PPP2R5D: variants seen among roughly 807,000 people sequenced by gnomAD.
The protein encoded by PPP2R5D is protein phosphatase 2 regulatory subunit B'delta, also known as serine/threonine-protein phosphatase 2A 56 kDa regulatory subunit delta isoform.
In PPP2R5D, 12 loss-of-function variants were observed where a neutral mutation model predicts 79.1. The ratio of observed to expected loss-of-function variants is 0.15; its 90% CI spans 0.10 to 0.25. The LOEUF (loss-of-function observed/expected upper bound fraction) is 0.25. Ranked by LOEUF, PPP2R5D falls within the 10% of genes least tolerant of loss-of-function variation. The pLI is 1.00. For synonymous variants in PPP2R5D, 277 were observed against 286.6 expected (o/e 0.97, Z 0.34); for missense variants, 419 against 760.2 (o/e 0.55, Z 5.28).
chr6:42,990,333 G>A (rs921780870), intron 2 of PPP2R5D, among the ~76,000 whole-genome samples: 4 of 152,146 alleles, frequency 2.6e-5, no homozygotes, highest in African/African-American at 9.7e-5. Flanking sequence ...CATACACAGC[G>A]AGCATCCACC....
At position 43,008,924 on chromosome 6, in the gene PPP2R5D, A is replaced by C; in HGVS notation, c.1081-133A>C. ...TACACCTAGGAAACAGATCCAAGGCAAAGAAACGGGTAGCTGGCTGAGATC... is the reference window on the plus strand; with the variant it reads ...TACACCTAGGAAACAGATCCAAGGCCAAGAAACGGGTAGCTGGCTGAGATC... On this transcript the variant is annotated intron_variant, in intron 10 of 15. Transcript: ENST00000485511. The surrounding 1 kb of genome is among the most constrained non-coding windows in gnomAD (Gnocchi z 4.2). 7.8e-7 allele frequency: 1 copy of C among 1,290,100 alleles called. No homozygotes were observed. The highest frequency in any genetic ancestry group is 1.5e-5 in the African/African-American group (1 of 67,280). 79.9% of individuals were successfully genotyped at this position (1,290,100 alleles called of 1,614,324 possible). A position where few individuals can be genotyped will look rare whatever the true frequency, so the allele number is the denominator to read the frequency against.
In PPP2R5D at chr6:43,011,250, G is replaced by T; in HGVS notation, c.1773G>T (p.Ala591=). Residue 591 remains alanine, a synonymous_variant, in exon 16 of 16, where the codon GCG becomes GCT. Transcript: ENST00000485511. ...TIKALEAHKR[A]EEFLTASQEA... Reference sequence around the variant, plus strand: ...AGGCACTGGAGGCGCACAAGCGGGCGGAAGAGTTCCTAACTGCCAGCCAGG... The same window carrying T: ...AGGCACTGGAGGCGCACAAGCGGGCTGAAGAGTTCCTAACTGCCAGCCAGG... The T allele has an allele frequency of 6.2e-7, 1 of 1,614,070 alleles. No homozygotes were observed. Among genetic ancestry groups the T allele is most frequent in the Non-Finnish European group, 8.5e-7 (1 of 1,180,006 alleles).
intron 2 of PPP2R5D, among the ~76,000 whole-genome samples, chr6:42,997,218 G>A (rs775026473): frequency 2.6e-5 from 4 of 151,404 alleles, no homozygotes; most frequent in Non-Finnish European, 5.9e-5. Context: ...TTGAGACGGA[G>A]TTTCGCTGTT....
chr6:43,003,482 C>G (rs1408977915), intron 2 of PPP2R5D, among the ~76,000 whole-genome samples: 3 of 151,976 alleles, frequency 2.0e-5, no homozygotes, highest in Non-Finnish European at 2.9e-5. Flanking sequence ...CTGCATTTCT[C>G]CCATTATAAA....
At chr6:42,985,401 G>A (rs1413673835) in intron 1 of PPP2R5D, among the ~76,000 whole-genome samples, 1 of 152,190 alleles carries the variant, frequency 6.6e-6, no homozygotes, top group Non-Finnish European at 1.5e-5. Context: ...GGAGACTGAG[G>A]CCCCGACAGG....
At position 43,011,629 on chromosome 6, in the gene PPP2R5D, C is replaced by T. The variant is rs1762354291; in HGVS notation, c.*343C>T. On this transcript the variant is annotated 3_prime_UTR_variant, in exon 16 of 16. Transcript: ENST00000485511. ...AATACATACGCTCCTCTATTCTTCCCTTCATCCTCATTTGAACGCCAGGTA... is the reference window on the plus strand; with the variant it reads ...AATACATACGCTCCTCTATTCTTCCTTTCATCCTCATTTGAACGCCAGGTA... The T allele has an allele frequency of 6.8e-6, 2 of 295,996 alleles. No individual in the cohort carries two copies. The highest frequency in any genetic ancestry group is 4.8e-5 in the South Asian group (1 of 20,982). The allele number at this position is 295,996 out of a possible 1,614,324, so 18.3% of individuals were successfully genotyped here.
At chr6:43,003,139 T>C (rs1331853859) in intron 2 of PPP2R5D, among the ~76,000 whole-genome samples, 1 of 152,184 alleles carries the variant, frequency 6.6e-6, no homozygotes, top group Non-Finnish European at 1.5e-5. Flanking sequence ...GGATAGCTTT[T>C]AGGCTGGGCA....
Position 43,006,882 on chromosome 6 carries a change from G to A in PPP2R5D, c.323-29G>A. ...GGGCATCGCAGTGAAGGACTACAGAGGAGAACCTGACTGCTGGGGCCCCCA... is the reference window on the plus strand; with the variant it reads ...GGGCATCGCAGTGAAGGACTACAGAAGAGAACCTGACTGCTGGGGCCCCCA... On this transcript the variant is annotated intron_variant, in intron 3 of 15. Coordinates refer to ENST00000485511, the MANE Select transcript of PPP2R5D (RefSeq NM_006245.4). This position sits in a 1 kb window ranked among gnomAD's most constrained non-coding sequence, Gnocchi z 4.7. 6.2e-7 allele frequency: 1 copy of A among 1,612,852 alleles called. No individual in the cohort carries two copies. The highest frequency in any genetic ancestry group is 1.7e-5 in the Admixed American group (1 of 60,006).
chr6:42,991,939 A>C (rs1401371671), intron 2 of PPP2R5D, among the ~76,000 whole-genome samples: 1 of 152,238 alleles, frequency 6.6e-6, no homozygotes, highest in Non-Finnish European at 1.5e-5. Flanking sequence ...ATGAGATGGC[A>C]GCAGGAATTA....
chr6:43,006,034 GA>G lies in PPP2R5D; in HGVS notation c.106-428del, dbSNP rs1762055055. ...TGCACCACCTTGCAGGTCCAGTCAA[GA>G]TACAGGATGTTTACATTACTCAGAA... On this transcript the variant is annotated intron_variant, in intron 2 of 15. Coordinates refer to ENST00000485511, the MANE Select transcript of PPP2R5D (RefSeq NM_006245.4). This position sits in a 1 kb window ranked among gnomAD's most constrained non-coding sequence, Gnocchi z 4.7. 6.6e-6 allele frequency among the ~76,000 whole-genome samples: 1 copy of G among 152,188 alleles called. No homozygotes were observed. The highest frequency in any genetic ancestry group is 2.4e-5 in the African/African-American group (1 of 41,446).
chr6:43,002,395 C>T (rs914505099), intron 2 of PPP2R5D, among the ~76,000 whole-genome samples: 4 of 152,158 alleles, frequency 2.6e-5, no homozygotes, highest in Non-Finnish European at 4.4e-5. Flanking sequence ...AAACTCCTGA[C>T]CTCGTGATCC....
At position 43,007,148 on chromosome 6, in the gene PPP2R5D, G is replaced by C. The variant is rs374216589; in HGVS notation, c.522+38G>C. The C allele has an allele frequency of 5.0e-6, 8 of 1,614,066 alleles. No homozygotes were observed. Among genetic ancestry groups the C allele is most frequent in the Non-Finnish European group, 6.8e-6 (8 of 1,179,978 alleles). On this transcript the variant is annotated intron_variant, in intron 4 of 15. Coordinates refer to ENST00000485511, the MANE Select transcript of PPP2R5D (RefSeq NM_006245.4). This position sits in a 1 kb window ranked among gnomAD's most constrained non-coding sequence, Gnocchi z 4.5. ...AAAGGACACAGGGGGGACTGGTGAG[G>C]GGCTCTGGAGAAGCCCAGGTGGAGC... is the stretch of plus-strand genomic sequence containing the variant.
intron 2 of PPP2R5D, among the ~76,000 whole-genome samples, chr6:43,002,607 G>A (rs1208444857): frequency 2.0e-5 from 3 of 152,118 alleles, no homozygotes; most frequent in Admixed American, 1.3e-4. Context: ...TAGAAAGGGA[G>A]ACCTCAGACC....
chr6:43,004,108 C>A (rs542010848), intron 2 of PPP2R5D, among the ~76,000 whole-genome samples: 1 of 151,774 alleles, frequency 6.6e-6, no homozygotes, highest in Admixed American at 6.6e-5. Context: ...CTGCAACGTC[C>A]GCCTCCTGGG....
At chr6:43,000,525 G>A (rs1246853378) in intron 2 of PPP2R5D, among the ~76,000 whole-genome samples, 5 of 152,122 alleles carry the variant, frequency 3.3e-5, no homozygotes, top group Admixed American at 3.3e-4. Flanking sequence ...TTACAGGCAT[G>A]AGCCACCGTG....
At chr6:42,990,700 T>C (rs913026773) in intron 2 of PPP2R5D, among the ~76,000 whole-genome samples, 2 of 17,662 alleles carry the variant, frequency 1.1e-4, no homozygotes, top group South Asian at 5.9e-3. Flanking sequence ...AGTATTCTAC[T>C]TTTTTTTTTT....
intron 1 of PPP2R5D, among the ~76,000 whole-genome samples, chr6:42,987,476 T>A (rs1770938333): frequency 6.6e-6 from 1 of 152,130 alleles, no homozygotes. Context: ...AACACTGTGC[T>A]GAGGGAAGAG....
chr6:42,997,634 C>A (rs1183967413), intron 2 of PPP2R5D, among the ~76,000 whole-genome samples: 2 of 151,406 alleles, frequency 1.3e-5, no homozygotes, highest in African/African-American at 4.9e-5. Context: ...CTCAACCTCC[C>A]AAGTAGCTGA....
rs901931089 is a variant in PPP2R5D at position 43,010,576 on chromosome 6, A to C, written c.1481+7A>C. On this transcript the variant is annotated splice_region_variant and intron_variant, in intron 13 of 15. Transcript: ENST00000485511. The surrounding 1 kb of genome is among the most constrained non-coding windows in gnomAD (Gnocchi z 4.7). The stretch of plus-strand genomic sequence containing the variant: ...ACAAGGCAGAGAAGCAGAAGTGAGT[A>C]TCTCTCTCCCCGGGAGACTTTCATC... 3 of 1,613,612 alleles carry C rather than the reference A, an allele frequency of 1.9e-6. No individual in the cohort carries two copies. The highest frequency in any genetic ancestry group is 1.7e-6 in the Non-Finnish European group (2 of 1,179,584).
Sources: gnomAD v4.1 joint callset for allele counts (sites outside exome capture counted in the v4.1 genomes callset) on GRCh38, gnomAD v4.1.1 for gene constraint, Gnocchi (gnomAD v3.1) non-coding constraint, MANE v1.5 for transcripts, NCBI Gene and HGNC (gene_info 2026-07-23, HGNC 2026-07-21) for gene names.